Variants in MARK3 observed in about 807,000 individuals in gnomAD.
MARK3 encodes the protein microtubule affinity regulating kinase 3.
Under a neutral mutation model 90.1 loss-of-function variants are expected in MARK3, and 46 were observed. That is an observed-to-expected ratio of 0.51 (90% CI 0.40 to 0.65). The LOEUF is 0.65. Among genes scored for constraint, MARK3 ranks in the 30% least tolerant of loss-of-function variants. MARK3 has a pLI of 0.00. For synonymous variants in MARK3, 321 were observed against 332.6 expected (o/e 0.97, Z 0.38); for missense variants, 818 against 947.2 (o/e 0.86, Z 1.79).
chr14:103,426,570 G>A (rs1489920025), intron 2 of MARK3, among the ~76,000 whole-genome samples: 3 of 152,096 alleles, frequency 2.0e-5, no homozygotes, highest in Non-Finnish European at 2.9e-5. Flanking sequence ...GTGCAAAGCC[G>A]AGTTACTTGA....
chr14:103,465,814 G>A, intron 8 of MARK3, 21 bp downstream of exon 8: 3 of 1,590,832 alleles, frequency 1.9e-6, no homozygotes, highest in Non-Finnish European at 2.6e-6. Flanking sequence ...CTGCACCCAT[G>A]TACTTCACTA....
intron 15 of MARK3, among the ~76,000 whole-genome samples, chr14:103,496,655 C>T (rs1294045992): frequency 4.6e-5 from 7 of 151,860 alleles, no homozygotes; most frequent in African/African-American, 1.5e-4. Flanking sequence ...TCAAGTGATC[C>T]GCCCACCTCA....
intron 3 of MARK3, among the ~76,000 whole-genome samples, chr14:103,428,877 T>C (rs926723171): frequency 6.6e-6 from 1 of 152,196 alleles, no homozygotes; most frequent in African/African-American, 2.4e-5. Context: ...CCACATCTGA[T>C]TAAGGACTGA....
At chr14:103,465,253 C>G (rs1316465628) in intron 7 of MARK3, among the ~76,000 whole-genome samples, 1 of 152,164 alleles carries the variant, frequency 6.6e-6, no homozygotes, top group Non-Finnish European at 1.5e-5. Flanking sequence ...TAGGTGTGAG[C>G]CACCGTGCCC....
chr14:103,489,890 T>C (rs1204995584), intron 14 of MARK3: 1 of 152,250 alleles, frequency 6.6e-6, no homozygotes, highest in Non-Finnish European at 1.5e-5. Context: ...CCAGCCACTC[T>C]ATCTTACCAT....
At position 103,412,101 on chromosome 14, in the gene MARK3, A is replaced by AATC. The variant is rs1441687839; in HGVS notation, c.243+6835_243+6837dup. ...TTGTTTTTTTTACTAGTAGCAGTAG[A>AATC]ATCTTTTCAAATATGCCTTAATATA... On this transcript the variant is annotated intron_variant, in intron 2 of 17. Coordinates refer to ENST00000429436, the MANE Select transcript of MARK3 (RefSeq NM_001128918.3). The AATC allele has an allele frequency of 1.1e-5, 9 of 802,978 alleles. No individual in the cohort carries two copies. In the African/African-American group the frequency reaches 1.6e-4, roughly 15 times the overall value. The allele number at this position is 802,978 out of a possible 1,614,324, so 49.7% of individuals were successfully genotyped here.
intron 9 of MARK3, 30 bp downstream of exon 9, chr14:103,466,121 CTT>C: frequency 6.2e-7 from 1 of 1,610,530 alleles, no homozygotes; most frequent in Non-Finnish European, 8.5e-7. Context: ...CAAGCAGTAA[CTT>C]TGGAGAGTCT....
chr14:103,475,981 G>A (rs971271330), intron 13 of MARK3, among the ~76,000 whole-genome samples: 24 of 151,360 alleles, frequency 1.6e-4, no homozygotes, highest in African/African-American at 5.6e-4. Flanking sequence ...TCATGAAGGC[G>A]GAGCCCTCGT....
In MARK3 at chr14:103,475,007, C is replaced by T. The variant is rs1438547551; in HGVS notation, c.1279C>T (p.Pro427Ser). 1 of 1,612,228 alleles carries T rather than the reference C, an allele frequency of 6.2e-7. No individual in the cohort carries two copies. Among genetic ancestry groups the T allele is most frequent in the Non-Finnish European group, 8.5e-7 (1 of 1,178,452 alleles). The change falls in exon 13 of 18, where the codon CCT (proline) becomes TCT (serine). Residue 427 changes from proline (P) to serine (S), a missense_variant. By Grantham distance (74) the Pro-to-Ser change is moderately conservative. Transcript: ENST00000429436. ...RYSDHAGPAI[P>S]SVVAYPKRSQ... ...CTTTATTTTAGCTGGACCAGCTATT[C>T]CTTCTGTTGTGGCGTATCCGAAAAG...
At chr14:103,419,357 T>C (rs1299246082) in intron 2 of MARK3, among the ~76,000 whole-genome samples, 1 of 152,176 alleles carries the variant, frequency 6.6e-6, no homozygotes, top group East Asian at 1.9e-4. Flanking sequence ...GTTATATGTA[T>C]TGATAGCTGC....
At chr14:103,469,116 C>G (rs2093576280) in intron 12 of MARK3, 1 of 151,992 alleles carries the variant, frequency 6.6e-6, no homozygotes, top group Non-Finnish European at 1.5e-5. Flanking sequence ...CTATCAAGTA[C>G]TTGAACTGAG....
intron 7 of MARK3, among the ~76,000 whole-genome samples, chr14:103,462,781 C>T (rs1023647427): frequency 2.0e-5 from 3 of 152,194 alleles, no homozygotes; most frequent in African/African-American, 7.2e-5. Flanking sequence ...GCATTCATTT[C>T]TGCTGCTTTC....
intron 3 of MARK3, among the ~76,000 whole-genome samples, chr14:103,446,710 CTTTT>C (rs746523547): frequency 5.8e-4 from 57 of 98,052 alleles, no homozygotes; most frequent in African/African-American, 3.0e-3. Flanking sequence ...AGATTGTTGT[CTTTT>C]TTTTTTTTTT....
chr14:103,465,882 C>CG, intron 8 of MARK3, 89 bp downstream of exon 8: 1 of 1,544,866 alleles, frequency 6.5e-7, no homozygotes, highest in South Asian at 1.2e-5. Context: ...TATATCAGTG[C>CG]GGGGGGTTTC....
At chr14:103,408,378 G>A (rs944570005) in intron 2 of MARK3, among the ~76,000 whole-genome samples, 7 of 152,062 alleles carry the variant, frequency 4.6e-5, no homozygotes, top group African/African-American at 1.7e-4. Flanking sequence ...TAGTAGAGAG[G>A]GGGTTTCACC....
intron 3 of MARK3, among the ~76,000 whole-genome samples, chr14:103,434,712 T>A (rs1470165470): frequency 6.6e-6 from 1 of 152,242 alleles, no homozygotes; most frequent in Non-Finnish European, 1.5e-5. Flanking sequence ...AGCTCATTCT[T>A]CATTGGCAAG....
At chr14:103,477,376 T>C (rs760140325) in intron 13 of MARK3, among the ~76,000 whole-genome samples, 66 of 152,076 alleles carry the variant, frequency 4.3e-4, no homozygotes, top group Admixed American at 1.0e-3. Context: ...CCTGTAATCC[T>C]AGCTATTCGG....
At chr14:103,469,623 T>A (rs551006618) in intron 12 of MARK3, among the ~76,000 whole-genome samples, 1 of 151,980 alleles carries the variant, frequency 6.6e-6, no homozygotes, top group Non-Finnish European at 1.5e-5. Context: ...CTGGCCAATA[T>A]TGTATTTTTA....
intron 3 of MARK3, among the ~76,000 whole-genome samples, chr14:103,430,868 T>C (rs1430405752): frequency 6.6e-6 from 1 of 152,190 alleles, no homozygotes; most frequent in Non-Finnish European, 1.5e-5. Flanking sequence ...GATTTATTTT[T>C]CTCCATTGTT....
Sources: allele counts gnomAD v4.1 joint callset (sites outside exome capture counted in the v4.1 genomes callset), GRCh38; gene constraint gnomAD v4.1.1; transcripts MANE v1.5; gene names NCBI Gene and HGNC (gene_info 2026-07-23, HGNC 2026-07-21).